Variants in SGCZ observed in about 807,000 individuals in gnomAD.
The protein encoded by SGCZ is zeta-sarcoglycan.
In SGCZ, 40 loss-of-function variants were observed where a neutral mutation model predicts 41.3. The observed-to-expected ratio is 0.97, with a 90% CI of 0.75 to 1.26. The LOEUF (loss-of-function observed/expected upper bound fraction) is 1.26, where lower values mean the gene tolerates loss of function less well. Ranked by LOEUF, SGCZ falls within the 50% of genes most tolerant of loss-of-function variation. The pLI is 0.00. For synonymous variants in SGCZ, 206 were observed against 137.5 expected, an observed-to-expected ratio of 1.50 and a Z score of -3.49; for missense variants, 552 against 369.8, an observed-to-expected ratio of 1.49 and a Z score of -4.04.
chr8:14,288,541 T>G (rs1800723717), intron 3 of SGCZ, among the ~76,000 whole-genome samples: 1 of 152,174 alleles, frequency 6.6e-6, no homozygotes, highest in Non-Finnish European at 1.5e-5. Flanking sequence ...ATAAATGACC[T>G]TTTTGGTCAG....
At chr8:14,940,966 G>A (rs188397517) in intron 1 of SGCZ, among the ~76,000 whole-genome samples, 7 of 151,872 alleles carry the variant, frequency 4.6e-5, no homozygotes, top group Non-Finnish European at 5.9e-5. Context: ...TATAATATCT[G>A]TTGTATGCAA....
chr8:14,613,349 G>A (rs756761923), intron 1 of SGCZ, among the ~76,000 whole-genome samples: 4 of 152,088 alleles, frequency 2.6e-5, no homozygotes, highest in Non-Finnish European at 4.4e-5. Flanking sequence ...ATGAACGTAC[G>A]ATTGGAACCA....
intron 1 of SGCZ, among the ~76,000 whole-genome samples, chr8:14,919,744 C>G (rs1799536861): frequency 1.3e-5 from 2 of 151,968 alleles, no homozygotes; most frequent in African/African-American, 4.8e-5. Context: ...ATGGTGAAAC[C>G]CCATCTCTGC....
intron 1 of SGCZ, among the ~76,000 whole-genome samples, chr8:14,672,520 GAA>G (rs765419026): frequency 2.0e-5 from 3 of 152,152 alleles, no homozygotes; most frequent in Non-Finnish European, 2.9e-5. Context: ...ATTCAAAGAT[GAA>G]AAAGGATGGT....
At chr8:14,428,096 GTA>G (rs1420089019) in intron 2 of SGCZ, among the ~76,000 whole-genome samples, 244 of 24,156 alleles carry the variant, frequency 0.01, 1 homozygote, top group Non-Finnish European at 0.014. Flanking sequence ...AAGAATGGTT[GTA>G]TATACACACA....
intron 1 of SGCZ, among the ~76,000 whole-genome samples, chr8:14,621,268 C>T (rs1806275603): frequency 8.1e-6 from 1 of 123,634 alleles, no homozygotes; most frequent in African/African-American, 3.2e-5. Flanking sequence ...AGGGGAACAT[C>T]ACACACTGGG....
In SGCZ at chr8:14,454,161, T is replaced by C. The variant is rs547431144; in HGVS notation, c.234+100571A>G. Among the ~76,000 whole-genome samples, 21 of 152,296 alleles carry C rather than the reference T, an allele frequency of 1.4e-4. 1 individual carries two copies. The highest frequency in any genetic ancestry group is 4.8e-4 in the African/African-American group (20 of 41,574). On this transcript the variant is annotated intron_variant, in intron 2 of 7. Coordinates refer to ENST00000382080, the MANE Select transcript of SGCZ (RefSeq NM_139167.4). ...GCACCTTCAGATATTCTGTGTCAGATAGTAAGAGCCAAGGTATGGTGGCAG... is the reference window on the plus strand; with the variant it reads ...GCACCTTCAGATATTCTGTGTCAGACAGTAAGAGCCAAGGTATGGTGGCAG...
At chr8:14,574,975 T>G (rs978910505) in intron 1 of SGCZ, among the ~76,000 whole-genome samples, 6 of 152,206 alleles carry the variant, frequency 3.9e-5, no homozygotes, top group African/African-American at 1.4e-4. Context: ...AATAACGGTT[T>G]TCATTAAAAG....
intron 1 of SGCZ, among the ~76,000 whole-genome samples, chr8:15,218,551 C>T (rs893703499): frequency 6.6e-5 from 10 of 152,150 alleles, no homozygotes; most frequent in Admixed American, 3.9e-4. Flanking sequence ...CATGCAAAGA[C>T]CAACACTCTA....
At chr8:14,215,291 A>C (rs534806796) in intron 4 of SGCZ, among the ~76,000 whole-genome samples, 2 of 152,118 alleles carry the variant, frequency 1.3e-5, no homozygotes, top group African/African-American at 4.8e-5. Context: ...CAAAAGTTAA[A>C]TAAATACATA....
intron 2 of SGCZ, among the ~76,000 whole-genome samples, chr8:14,414,563 C>G (rs891690824): frequency 6.6e-6 from 1 of 151,900 alleles, no homozygotes; most frequent in Admixed American, 6.6e-5. Context: ...AAAGTATTAA[C>G]AAGTCATGGA....
chr8:14,796,937 G>C (rs199913616), intron 1 of SGCZ, among the ~76,000 whole-genome samples: 8 of 152,154 alleles, frequency 5.3e-5, no homozygotes, highest in African/African-American at 1.7e-4. Context: ...CCGATGAAGA[G>C]GTGACTTCTG....
rs184541195 is a variant in SGCZ at position 14,855,948 on chromosome 8, G to A, written c.40-301022C>T. On this transcript the variant is annotated intron_variant, in intron 1 of 7. Transcript: ENST00000382080. ...TTAAAGGCCGATCCGAATTTTGCAA[G>A]ACATTTTCCAGTGATAACAAACAAT... 3.0e-4 allele frequency among the ~76,000 whole-genome samples: 46 copies of A among 152,250 alleles called. No individual in the cohort carries two copies. The East Asian group carries it at 8.7e-3, about 29-fold the overall frequency.
intron 4 of SGCZ, among the ~76,000 whole-genome samples, chr8:14,188,824 G>GTTTTTTT (rs145555540): frequency 7.4e-4 from 46 of 62,330 alleles, no homozygotes; most frequent in African/African-American, 2.8e-3. Flanking sequence ...TTGTTTCTTT[G>GTTTTTTT]TTTTTTTTTG....
chr8:15,227,393 T>G (rs1264803933), intron 1 of SGCZ, among the ~76,000 whole-genome samples: 8 of 152,196 alleles, frequency 5.3e-5, no homozygotes, highest in Non-Finnish European at 4.4e-5. Context: ...TTCTTGCTAA[T>G]AATTCAATCA....
chr8:14,767,213 G>C (rs1287080442), intron 1 of SGCZ, among the ~76,000 whole-genome samples: 1 of 152,132 alleles, frequency 6.6e-6, no homozygotes, highest in Non-Finnish European at 1.5e-5. Flanking sequence ...AGGCCTCCAA[G>C]GCCTTGCAGT....
At chr8:15,229,491 G>A (rs1448912609) in intron 1 of SGCZ, among the ~76,000 whole-genome samples, 2 of 152,152 alleles carry the variant, frequency 1.3e-5, no homozygotes, top group Non-Finnish European at 2.9e-5. Context: ...TTTTATGGTG[G>A]AAAAGATTTA....
intron 2 of SGCZ, among the ~76,000 whole-genome samples, chr8:14,454,873 T>C (rs1371534098): frequency 6.6e-6 from 1 of 152,106 alleles, no homozygotes; most frequent in Admixed American, 6.5e-5. Flanking sequence ...TACACGACAA[T>C]AAACTCCAAA....
chr8:14,555,581 C>T (rs1023364908), intron 1 of SGCZ, among the ~76,000 whole-genome samples: 1 of 152,018 alleles, frequency 6.6e-6, no homozygotes, highest in Non-Finnish European at 1.5e-5. Flanking sequence ...GCCAATTAAA[C>T]CTCTTTTCTT....
Sources: allele counts gnomAD v4.1 joint callset (sites outside exome capture counted in the v4.1 genomes callset), GRCh38; gene constraint gnomAD v4.1.1; transcripts MANE v1.5; gene names NCBI Gene and HGNC (gene_info 2026-07-23, HGNC 2026-07-21).